Variants in EXD3 observed in about 807,000 individuals in gnomAD.
EXD3 encodes the protein exonuclease mut-7 homolog.
Under a neutral mutation model 98.0 loss-of-function variants are expected in EXD3, and 92 were observed. The ratio of observed to expected loss-of-function variants is 0.94; its 90% CI spans 0.79 to 1.12. The LOEUF (loss-of-function observed/expected upper bound fraction) is 1.12. Ranked by LOEUF, EXD3 falls within the 50% of genes most tolerant of loss-of-function variation. The probability of loss-of-function intolerance (pLI) is 0.00; values close to 1 mark genes in which losing one functional copy is unlikely to be tolerated. For synonymous variants in EXD3, 569 were observed against 526.0 expected, an observed-to-expected ratio of 1.08 and a Z score of -1.12; for missense variants, 1,222 against 1,191.6, an observed-to-expected ratio of 1.03 and a Z score of -0.38.
chr9:137,392,671 C>T (rs1038065324), intron 2 of EXD3: 13 of 334,242 alleles, frequency 3.9e-5, no homozygotes, highest in African/African-American at 6.6e-5. Context: ...CAGGAAGCGC[C>T]AGGCTGTTCC....
intron 1 of EXD3, among the ~76,000 whole-genome samples, chr9:137,411,761 C>T (rs114989935): frequency 2.1e-5 from 3 of 145,080 alleles, no homozygotes; most frequent in Non-Finnish European, 4.5e-5. Flanking sequence ...GGGAGGGAGT[C>T]GGGGAGGCGG....
intron 2 of EXD3, among the ~76,000 whole-genome samples, chr9:137,386,164 C>A (rs757896298): frequency 6.6e-6 from 1 of 151,784 alleles, no homozygotes; most frequent in Non-Finnish European, 1.5e-5. Context: ...GGCATGGTGG[C>A]GCTCCTGAGG....
intron 1 of EXD3, among the ~76,000 whole-genome samples, chr9:137,413,663 G>A (rs975185712): frequency 6.6e-6 from 1 of 151,748 alleles, no homozygotes; most frequent in Non-Finnish European, 1.5e-5. Flanking sequence ...TACCACACCC[G>A]GCTAAGTTTT....
At chr9:137,365,966 GCACACACAGAGA>G in intron 7 of EXD3, 1 of 511,874 alleles carries the variant, frequency 2.0e-6, no homozygotes, top group African/African-American at 2.0e-5. Context: ...CATATCACGT[GCACACACAGAGA>G]CACACACATG....
rs570243090 is a variant in EXD3, at chr9:137,408,546, C to CAAAAAAAAAAAAAAAA, written c.-47-13158_-47-13143dup. 7.0e-4 allele frequency among the ~76,000 whole-genome samples: 31 copies of CAAAAAAAAAAAAAAAA among 44,476 alleles called. 1 individual carries two copies. Among genetic ancestry groups the CAAAAAAAAAAAAAAAA allele is most frequent in the African/African-American group, 1.7e-3 (16 of 9,352 alleles). 29.2% of individuals were successfully genotyped at this position (44,476 alleles called of 152,430 possible). On this transcript the variant is annotated intron_variant, in intron 1 of 21. Coordinates refer to ENST00000340951, the MANE Select transcript of EXD3 (RefSeq NM_017820.5). ...TGGGCGATAGAGTGAGACTCTGCCT[C>CAAAAAAAAAAAAAAAA]AAAAAAAAAAAAAAAAAAAGAGGGC...
At chr9:137,378,961 C>T (rs1396135259) in intron 3 of EXD3, among the ~76,000 whole-genome samples, 3 of 111,600 alleles carry the variant, frequency 2.7e-5, no homozygotes, top group African/African-American at 3.6e-5. Flanking sequence ...TGACGGTGAC[C>T]ATTGCCTGGG....
chr9:137,358,245 G>A lies in EXD3; in HGVS notation c.657-1877C>T, dbSNP rs373096038. ...CTGCAGAGGAACCACCTCCCTGTGT[G>A]CACGGCGTGGCCTGGTAGCCCTGGA... is the stretch of plus-strand genomic sequence containing the variant. On this transcript the variant is annotated intron_variant, in intron 7 of 21. Transcript: ENST00000340951. Among the ~76,000 whole-genome samples, 4 of 152,358 alleles carry A rather than the reference G, an allele frequency of 2.6e-5. No individual in the cohort carries two copies. In the East Asian group the frequency reaches 5.8e-4, roughly 22 times the overall value.
rs570243090 is a variant in EXD3, at chr9:137,408,546, C to CAAAAAAAAAA, written c.-47-13152_-47-13143dup. 1.0e-3 allele frequency among the ~76,000 whole-genome samples: 45 copies of CAAAAAAAAAA among 44,460 alleles called. 1 individual carries two copies. The highest frequency in any genetic ancestry group is 3.0e-3 in the African/African-American group (28 of 9,346). 29.2% of individuals were successfully genotyped at this position (44,460 alleles called of 152,430 possible). ...TGGGCGATAGAGTGAGACTCTGCCT[C>CAAAAAAAAAA]AAAAAAAAAAAAAAAAAAAGAGGGC... is the stretch of plus-strand genomic sequence containing the variant. On this transcript the variant is annotated intron_variant, in intron 1 of 21. Coordinates refer to ENST00000340951, the MANE Select transcript of EXD3 (RefSeq NM_017820.5).
intron 1 of EXD3, among the ~76,000 whole-genome samples, chr9:137,417,040 G>A (rs933152834): frequency 1.3e-5 from 2 of 152,240 alleles, no homozygotes; most frequent in Non-Finnish European, 2.9e-5. Flanking sequence ...CTCCCTGTGG[G>A]CCTCAGAACA....
chr9:137,404,893 C>T (rs1408309950), intron 1 of EXD3, among the ~76,000 whole-genome samples: 1 of 152,024 alleles, frequency 6.6e-6, no homozygotes, highest in Non-Finnish European at 1.5e-5. Flanking sequence ...GCCACAGTCC[C>T]CTCCTGGCCA....
At chr9:137,394,688 T>A (rs756890230) in intron 2 of EXD3, among the ~76,000 whole-genome samples, 3 of 128,976 alleles carry the variant, frequency 2.3e-5, no homozygotes, top group African/African-American at 8.2e-5. Context: ...GCACTGAATC[T>A]GGCAGGGCAG....
At chr9:137,355,635 A>AGGAGAAAG (rs1834692721) in intron 8 of EXD3, among the ~76,000 whole-genome samples, 1 of 49,742 alleles carries the variant, frequency 2.0e-5, no homozygotes, top group African/African-American at 9.6e-5. Flanking sequence ...GGATGGAGGA[A>AGGAGAAAG]GGAGGAAGGA....
At chr9:137,316,873 G>A (rs189294483) in intron 19 of EXD3, among the ~76,000 whole-genome samples, 73 of 152,308 alleles carry the variant, frequency 4.8e-4, no homozygotes, top group Middle Eastern at 3.4e-3. Flanking sequence ...GGAGTGGCCC[G>A]TTCAGCCCAC....
At chr9:137,337,991 G>A (rs543097109) in intron 17 of EXD3, among the ~76,000 whole-genome samples, 1 of 152,166 alleles carries the variant, frequency 6.6e-6, no homozygotes, top group South Asian at 2.1e-4. Context: ...GTTTCACTGT[G>A]TTAGCCAGGA....
chr9:137,327,793 C>A (rs550968981), intron 17 of EXD3, among the ~76,000 whole-genome samples: 130 of 150,894 alleles, frequency 8.6e-4, no homozygotes, highest in African/African-American at 3.0e-3. Flanking sequence ...AACAAATATA[C>A]ACCCACATGA....
intron 1 of EXD3, among the ~76,000 whole-genome samples, chr9:137,401,897 C>T (rs1837496572): frequency 1.3e-5 from 2 of 152,254 alleles, no homozygotes; most frequent in Admixed American, 1.3e-4. Context: ...CTCCTTGCTA[C>T]TTATGTAAAT....
chr9:137,352,528 C>T (rs1834359048), intron 11 of EXD3, 92 bp downstream of exon 11: 8 of 1,250,694 alleles, frequency 6.4e-6, no homozygotes, highest in Non-Finnish European at 8.6e-6. Flanking sequence ...TCTCAAGCCA[C>T]TGGCGTGAAG....
At chr9:137,323,961 C>G (rs1832240378) in intron 18 of EXD3, 105 bp from the exon 19 acceptor site, 1 of 1,527,118 alleles carries the variant, frequency 6.5e-7, no homozygotes, top group Admixed American at 2.0e-5. Context: ...TCTCGGCCCA[C>G]CAGGGGTACG....
In EXD3 at chr9:137,330,070, CA is replaced by C. The variant is rs1396410329; in HGVS notation, c.1999-5928del. Among the ~76,000 whole-genome samples the C allele has an allele frequency of 2.9e-5, 4 of 137,000 alleles. No individual in the cohort carries two copies. The South Asian group carries it at 7.5e-4, about 26-fold the overall frequency. The allele number at this position is 137,000 out of a possible 152,430, so 89.9% of individuals were successfully genotyped here. A position where few individuals can be genotyped will look rare whatever the true frequency, so the allele number is the denominator to read the frequency against. On this transcript the variant is annotated intron_variant, in intron 17 of 21. Transcript: ENST00000340951. Reference sequence around the variant, plus strand: ...TACACGGGACTACACAGGAGCTACACAGGAACTACACAGGAGCTACACAGGG... The same window carrying C: ...TACACGGGACTACACAGGAGCTACACGGAACTACACAGGAGCTACACAGGG...
Sources: gnomAD v4.1 joint callset for allele counts (sites outside exome capture counted in the v4.1 genomes callset) on GRCh38, gnomAD v4.1.1 for gene constraint, MANE v1.5 for transcripts, NCBI Gene and HGNC (gene_info 2026-07-23, HGNC 2026-07-21) for gene names.